The following ADAMTS3 variants were observed in gnomAD, a reference collection of about 807,000 sequenced individuals.
The protein encoded by ADAMTS3 is ADAM metallopeptidase with thrombospondin type 1 motif 3, also known as A disintegrin and metalloproteinase with thrombospondin motifs 3.
Under a neutral mutation model 129.0 loss-of-function variants are expected in ADAMTS3, and 73 were observed. The observed-to-expected ratio is 0.57, with a 90% CI of 0.47 to 0.69. ADAMTS3 has a LOEUF of 0.69. Ranked by LOEUF, ADAMTS3 falls within the 30% of genes least tolerant of loss-of-function variation. ADAMTS3 has a pLI of 0.00. For missense variants in ADAMTS3, 1,457 were observed against 1,514.5 expected, an observed-to-expected ratio of 0.96 and a Z score of 0.63; for synonymous variants, 477 against 510.8, an observed-to-expected ratio of 0.93 and a Z score of 0.89.
chr4:72,293,043 G>A (rs1420059327), intron 19 of ADAMTS3, among the ~76,000 whole-genome samples: 13 of 152,140 alleles, frequency 8.5e-5, no homozygotes, highest in Admixed American at 8.5e-4. Flanking sequence ...GAAAGACAAA[G>A]AAATTTGAGA....
At chr4:72,549,475 C>T (rs1721554424) in intron 2 of ADAMTS3, among the ~76,000 whole-genome samples, 1 of 152,090 alleles carries the variant, frequency 6.6e-6, no homozygotes, top group African/African-American at 2.4e-5. Flanking sequence ...GGTAGGAGGT[C>T]CTTTGTCCAA....
intron 3 of ADAMTS3, among the ~76,000 whole-genome samples, chr4:72,506,042 G>C (rs1720151745): frequency 6.6e-6 from 1 of 152,190 alleles, no homozygotes; most frequent in Non-Finnish European, 1.5e-5. Context: ...GAGGCAGAGA[G>C]GGCACCCCCA....
chr4:72,358,484 T>C (rs941000706), intron 4 of ADAMTS3, among the ~76,000 whole-genome samples: 7 of 151,986 alleles, frequency 4.6e-5, no homozygotes, highest in African/African-American at 1.4e-4. Context: ...TTTACTATCG[T>C]ATGAACTATT....
At chr4:72,530,618 A>AT (rs1720997013) in intron 3 of ADAMTS3, among the ~76,000 whole-genome samples, 1 of 86,828 alleles carries the variant, frequency 1.2e-5, no homozygotes. Flanking sequence ...ATATTATATA[A>AT]TATATATTAT....
chr4:72,405,087 G>A (rs1722017447), intron 4 of ADAMTS3, among the ~76,000 whole-genome samples: 1 of 152,124 alleles, frequency 6.6e-6, no homozygotes, highest in Non-Finnish European at 1.5e-5. Context: ...CACTGTTGGT[G>A]TGAATGTAAA....
At chr4:72,394,158 A>G (rs1721668728) in intron 4 of ADAMTS3, among the ~76,000 whole-genome samples, 1 of 152,144 alleles carries the variant, frequency 6.6e-6, no homozygotes, top group Non-Finnish European at 1.5e-5. Flanking sequence ...AAAAACCCAC[A>G]GCTGAGCCCT....
chr4:72,546,775 G>C (rs1049653535), intron 3 of ADAMTS3, among the ~76,000 whole-genome samples: 1 of 152,132 alleles, frequency 6.6e-6, no homozygotes, highest in African/African-American at 2.4e-5. Context: ...TATGGTATTA[G>C]AGAGTAAATG....
chr4:72,460,155 C>G (rs763104789), intron 3 of ADAMTS3, among the ~76,000 whole-genome samples: 1 of 151,396 alleles, frequency 6.6e-6, no homozygotes, highest in East Asian at 1.9e-4. Context: ...ACTTTTTTTA[C>G]CGGTCATTAG....
intron 4 of ADAMTS3, among the ~76,000 whole-genome samples, chr4:72,377,024 T>C (rs1478652761): frequency 1.3e-5 from 2 of 152,118 alleles, no homozygotes; most frequent in East Asian, 3.9e-4. Context: ...ATGTAGGCAA[T>C]ACTGTAAACA....
At position 72,323,058 on chromosome 4, in the gene ADAMTS3, T is replaced by A; in HGVS notation, c.901A>T (p.Ile301Leu). 6.2e-7 allele frequency: 1 copy of A among 1,613,684 alleles called. No homozygotes were observed. The highest frequency in any genetic ancestry group is 8.5e-7 in the Non-Finnish European group (1 of 1,179,738). The change falls in exon 6 of 22, where the codon ATA (isoleucine) becomes TTA (leucine). Residue 301 changes from isoleucine (I) to leucine (L), a missense_variant. By Grantham distance (5) the Ile-to-Leu change is conservative (BLOSUM62 2). Transcript: ENST00000286657. The part of the protein sequence containing the change: ...IYHDESLGVH[I>L]NVVLVRMIML... ...ATCATGCGCACCAGGACCACATTTA[T>A]ATGCACTCCGAGGGACTCATCATGG... is the stretch of plus-strand genomic sequence containing the variant.
chr4:72,497,721 T>G (rs879729257), intron 3 of ADAMTS3, among the ~76,000 whole-genome samples: 6 of 143,436 alleles, frequency 4.2e-5, no homozygotes, highest in Non-Finnish European at 1.5e-5. Context: ...ATCTCAACTT[T>G]TCTTGTTATA....
At chr4:72,539,833 T>A (rs1003607906) in intron 3 of ADAMTS3, among the ~76,000 whole-genome samples, 1 of 152,192 alleles carries the variant, frequency 6.6e-6, no homozygotes. Context: ...GACTTGCTCC[T>A]CCTTGCCTTC....
chr4:72,312,117 T>C, intron 13 of ADAMTS3, 174 bp downstream of exon 13: 1 of 624,914 alleles, frequency 1.6e-6, no homozygotes, highest in Non-Finnish European at 2.7e-6. Context: ...CTTACCTCTT[T>C]AGAGAAAGGG....
chr4:72,445,320 G>C (rs1371394817), intron 3 of ADAMTS3, among the ~76,000 whole-genome samples: 2 of 151,642 alleles, frequency 1.3e-5, no homozygotes, highest in Non-Finnish European at 3.0e-5. Flanking sequence ...AATCTGAGAG[G>C]ATACAGAGAA....
chr4:72,409,825 A>C (rs1319473195), intron 4 of ADAMTS3, among the ~76,000 whole-genome samples: 1 of 152,182 alleles, frequency 6.6e-6, no homozygotes, highest in Non-Finnish European at 1.5e-5. Flanking sequence ...CAACTGTGAA[A>C]CATACAAAAC....
At chr4:72,424,221 C>T (rs1722516591) in intron 3 of ADAMTS3, among the ~76,000 whole-genome samples, 1 of 151,876 alleles carries the variant, frequency 6.6e-6, no homozygotes, top group African/African-American at 2.4e-5. Flanking sequence ...TAGAGTCCTA[C>T]GTTAAAGAAA....
chr4:72,461,264 T>TA (rs151144446), intron 3 of ADAMTS3, among the ~76,000 whole-genome samples: 5,749 of 151,774 alleles, frequency 0.038, 132 homozygotes, highest in Non-Finnish European at 0.048. Flanking sequence ...CTGAGTTATA[T>TA]AAAAAGTCAA....
intron 3 of ADAMTS3, among the ~76,000 whole-genome samples, chr4:72,438,319 C>CT: frequency 6.6e-6 from 1 of 151,758 alleles, no homozygotes; most frequent in South Asian, 2.1e-4. Context: ...CCCTAAAGAG[C>CT]TTTTGTTCAT....
In ADAMTS3 at chr4:72,460,992, G is replaced by A. The variant is rs112651709; in HGVS notation, c.505-46021C>T. Among the ~76,000 whole-genome samples the A allele has an allele frequency of 7.1e-3, 1,078 of 151,586 alleles. 21 individuals carry two copies. Among genetic ancestry groups the A allele is most frequent in the African/African-American group, 0.025 (1,027 of 41,446 alleles). ...GCTAAATGTCCAATAATAAAGTAAA[G>A]GTTAAATACATTTGGGATAGTCAAT... On this transcript the variant is annotated intron_variant, in intron 3 of 21. Coordinates refer to ENST00000286657, the MANE Select transcript of ADAMTS3 (RefSeq NM_014243.3).
Sources: gnomAD v4.1 joint callset for allele counts (sites outside exome capture counted in the v4.1 genomes callset) on GRCh38, gnomAD v4.1.1 for gene constraint, MANE v1.5 for transcripts, NCBI Gene and HGNC (gene_info 2026-07-23, HGNC 2026-07-21) for gene names.